The following PHLPP1 variants were observed in gnomAD, a reference collection of about 807,000 sequenced individuals.
The protein encoded by PHLPP1 is PH domain and leucine rich repeat protein phosphatase 1, also known as PH domain leucine-rich repeat-containing protein phosphatase 1.
PHLPP1 carries 42 observed loss-of-function variants against 117.2 expected under a neutral mutation model. That is an observed-to-expected ratio of 0.36 (90% CI 0.28 to 0.46). The LOEUF is 0.46. Ranked by LOEUF, PHLPP1 falls within the 20% of genes least tolerant of loss-of-function variation. The probability of loss-of-function intolerance (pLI) is 1.00; values close to 1 mark genes in which losing one functional copy is unlikely to be tolerated. For synonymous variants in PHLPP1, 1,042 were observed against 970.7 expected (o/e 1.07, Z -1.37); for missense variants, 2,084 against 2,241.9 (o/e 0.93, Z 1.42).
chr18:62,752,905 T>C (rs757141847), intron 1 of PHLPP1, among the ~76,000 whole-genome samples: 1 of 152,160 alleles, frequency 6.6e-6, no homozygotes, highest in African/African-American at 2.4e-5. Context: ...CAGTAGACAA[T>C]AAGTGTGAAT....
At chr18:62,894,380 A>T (rs1916502372) in intron 4 of PHLPP1, among the ~76,000 whole-genome samples, 1 of 151,968 alleles carries the variant, frequency 6.6e-6, no homozygotes, top group South Asian at 2.1e-4. Flanking sequence ...TGTTTTTGGT[A>T]GAGATGGGGT....
At position 62,929,152 on chromosome 18, in the gene PHLPP1, C is replaced by T. The variant is rs1007328786; in HGVS notation, c.2960+9038C>T. Among the ~76,000 whole-genome samples, 3 of 152,094 alleles carry T rather than the reference C, an allele frequency of 2.0e-5. No individual in the cohort carries two copies. In the South Asian group the frequency reaches 6.2e-4, roughly 32 times the overall value. On this transcript the variant is annotated intron_variant, in intron 10 of 16. Coordinates refer to ENST00000262719, the MANE Select transcript of PHLPP1 (RefSeq NM_194449.4). ...ATTTTATATTATGTGAATTACGTCC[C>T]TATAAAGCTGTTTTTTTAAAGACCT...
rs1006812931 is a variant in PHLPP1 at position 62,716,076 on chromosome 18, C to T, written c.393C>T (p.Ser131=). 2.0e-6 allele frequency: 3 copies of T among 1,486,268 alleles called. No individual in the cohort carries two copies. Among genetic ancestry groups the T allele is most frequent in the African/African-American group, 1.5e-5 (1 of 67,900 alleles). The allele number at this position is 1,486,268 out of a possible 1,614,324, so 92.1% of individuals were successfully genotyped here. A position where few individuals can be genotyped will look rare whatever the true frequency, so the allele number is the denominator to read the frequency against. ...LRRGRLKRNL[S]AAAAAASSSS... Reference sequence around the variant, plus strand: ...GAGGGCGGCTGAAGAGGAATCTGTCCGCGGCCGCCGCGGCCGCCTCCTCGT... The same window carrying T: ...GAGGGCGGCTGAAGAGGAATCTGTCTGCGGCCGCCGCGGCCGCCTCCTCGT... The change falls in exon 1 of 17, where the codon TCC becomes TCT. Residue 131 remains serine, a synonymous_variant. Transcript: ENST00000262719. The surrounding 1 kb of genome is among the most constrained non-coding windows in gnomAD (Gnocchi z 5.7).
At chr18:62,943,321 T>C (rs517665) in intron 11 of PHLPP1, among the ~76,000 whole-genome samples, 97,968 of 152,108 alleles carry the variant, frequency 0.64, 33,543 homozygotes, top group African/African-American at 0.9. Flanking sequence ...CTCAGCCTCA[T>C]ATCTCACACA....
intron 1 of PHLPP1, among the ~76,000 whole-genome samples, chr18:62,739,706 C>A (rs1414117634): frequency 6.6e-6 from 1 of 152,010 alleles, no homozygotes; most frequent in Non-Finnish European, 1.5e-5. Context: ...AAGGAGTTAA[C>A]CCTAGGTGGG....
At chr18:62,833,477 C>G (rs927016469) in intron 2 of PHLPP1, among the ~76,000 whole-genome samples, 1 of 152,108 alleles carries the variant, frequency 6.6e-6, no homozygotes, top group African/African-American at 2.4e-5. Context: ...ATATCAATAC[C>G]AGAGTTTCTT....
At chr18:62,817,780 A>T (rs1914331899) in intron 1 of PHLPP1, among the ~76,000 whole-genome samples, 2 of 152,154 alleles carry the variant, frequency 1.3e-5, no homozygotes, top group African/African-American at 4.8e-5. Context: ...AACCAGTGAT[A>T]AAAAGAAAAA....
chr18:62,805,393 A>G (rs1303207268), intron 1 of PHLPP1, among the ~76,000 whole-genome samples: 3 of 152,068 alleles, frequency 2.0e-5, no homozygotes, highest in East Asian at 1.9e-4. Context: ...AGTATAATAT[A>G]CACTGTATAT....
intron 4 of PHLPP1, among the ~76,000 whole-genome samples, chr18:62,865,969 A>G (rs1262127464): frequency 6.6e-6 from 1 of 152,166 alleles, no homozygotes; most frequent in East Asian, 1.9e-4. Flanking sequence ...TATATGTGCA[A>G]CAAACCCTCA....
At chr18:62,736,150 C>G (rs1170442864) in intron 1 of PHLPP1, among the ~76,000 whole-genome samples, 1 of 152,086 alleles carries the variant, frequency 6.6e-6, no homozygotes, top group African/African-American at 2.4e-5. Flanking sequence ...TAGCTGGCCT[C>G]TGCTTGTTGA....
intron 3 of PHLPP1, among the ~76,000 whole-genome samples, chr18:62,857,093 G>T (rs544232833): frequency 7.1e-5 from 8 of 112,448 alleles, no homozygotes; most frequent in Non-Finnish European, 1.3e-4. Flanking sequence ...CAGTAAACAT[G>T]TTGAATGAAT....
chr18:62,801,466 A>G (rs1913780844), intron 1 of PHLPP1, among the ~76,000 whole-genome samples: 1 of 151,554 alleles, frequency 6.6e-6, no homozygotes, highest in Admixed American at 6.6e-5. Context: ...TAGTTAGTAT[A>G]TGGAGCCTCC....
At chr18:62,964,971 G>A (rs1910862124) in intron 14 of PHLPP1, among the ~76,000 whole-genome samples, 1 of 152,100 alleles carries the variant, frequency 6.6e-6, no homozygotes, top group Non-Finnish European at 1.5e-5. Context: ...GTACAGCAAA[G>A]TGCACTGCAA....
intron 1 of PHLPP1, among the ~76,000 whole-genome samples, chr18:62,774,756 G>A (rs1051702537): frequency 1.3e-5 from 2 of 151,270 alleles, no homozygotes; most frequent in Admixed American, 1.3e-4. Flanking sequence ...ATTCTTTCTG[G>A]CTATAAAAGT....
chr18:62,738,334 C>T (rs923618224), intron 1 of PHLPP1, among the ~76,000 whole-genome samples: 5 of 151,562 alleles, frequency 3.3e-5, no homozygotes, highest in Non-Finnish European at 5.9e-5. Context: ...GCAGCCTGGG[C>T]GACAAAGTGA....
Position 62,979,332 on chromosome 18 carries a change from G to T in PHLPP1, c.5055G>T (p.Gln1685His). 6.6e-7 allele frequency: 1 copy of T among 1,515,364 alleles called. No individual in the cohort carries two copies. Among genetic ancestry groups the T allele is most frequent in the Non-Finnish European group, 9.0e-7 (1 of 1,114,076 alleles). 93.9% of individuals were successfully genotyped at this position (1,515,364 alleles called of 1,614,324 possible). Residue 1685 changes from glutamine to histidine, a missense_variant, in exon 17 of 17, where the codon CAG becomes CAT. By Grantham distance (24) the Gln-to-His change is conservative. Coordinates refer to ENST00000262719, the MANE Select transcript of PHLPP1 (RefSeq NM_194449.4). ...TCATGAAGCATCACCAGGAGCAACAGCAGCAGCAGCAGCCGCCACCACCCC... is the reference window on the plus strand; with the variant it reads ...TCATGAAGCATCACCAGGAGCAACATCAGCAGCAGCAGCCGCCACCACCCC... Reference protein sequence around the residue: ...KEIMKHHQEQQQQQQPPPPPQ... With the variant: ...KEIMKHHQEQHQQQQPPPPPQ...
intron 4 of PHLPP1, among the ~76,000 whole-genome samples, chr18:62,887,268 T>C (rs143964229): frequency 1.7e-4 from 26 of 152,258 alleles, no homozygotes; most frequent in African/African-American, 5.8e-4. Context: ...GTCATACAGT[T>C]TCTCTGGGCC....
At chr18:62,970,248 GGCCTTTAT>G (rs1911015281) in intron 14 of PHLPP1, among the ~76,000 whole-genome samples, 1 of 151,968 alleles carries the variant, frequency 6.6e-6, no homozygotes, top group East Asian at 1.9e-4. Context: ...CTCCTGTCCT[GGCCTTTAT>G]GCTGTTGTTG....
intron 1 of PHLPP1, among the ~76,000 whole-genome samples, chr18:62,787,369 T>C (rs1913324835): frequency 6.6e-6 from 1 of 152,158 alleles, no homozygotes; most frequent in African/African-American, 2.4e-5. Context: ...GTTTTCGCCA[T>C]GTTAGCCAGG....
Sources: gnomAD v4.1 joint callset for allele counts (sites outside exome capture counted in the v4.1 genomes callset) on GRCh38, gnomAD v4.1.1 for gene constraint, Gnocchi (gnomAD v3.1) non-coding constraint, MANE v1.5 for transcripts, NCBI Gene and HGNC (gene_info 2026-07-23, HGNC 2026-07-21) for gene names.